The following HACD2 variants were observed in gnomAD, a reference collection of about 807,000 sequenced individuals.
HACD2 encodes very-long-chain (3R)-3-hydroxyacyl-CoA dehydratase 2.
Under a neutral mutation model 31.0 loss-of-function variants are expected in HACD2, and 15 were observed. That is an observed-to-expected ratio of 0.48 (90% CI 0.32 to 0.75). The LOEUF is 0.75. HACD2 is among the 30% of genes least tolerant of loss of function. The pLI, the probability that HACD2 is intolerant of heterozygous loss-of-function variation, is 0.03. For missense variants in HACD2, 283 were observed against 313.0 expected, an observed-to-expected ratio of 0.90 and a Z score of 0.72; for synonymous variants, 115 against 122.2, an observed-to-expected ratio of 0.94 and a Z score of 0.39.
intron 4 of HACD2, among the ~76,000 whole-genome samples, chr3:123,504,207 C>A (rs1401618444): frequency 6.6e-6 from 1 of 152,122 alleles, no homozygotes; most frequent in Admixed American, 6.6e-5. Context: ...TATAAAAGCA[C>A]ACTTTGCTTT....
At chr3:123,576,205 T>C (rs191606178) in intron 2 of HACD2, among the ~76,000 whole-genome samples, 111 of 152,232 alleles carry the variant, frequency 7.3e-4, no homozygotes, top group Middle Eastern at 3.4e-3. Flanking sequence ...TCTTGCACTG[T>C]GGCTCCTTCG....
chr3:123,535,281 T>A (rs1372729950), intron 3 of HACD2, among the ~76,000 whole-genome samples: 5 of 152,186 alleles, frequency 3.3e-5, no homozygotes, highest in South Asian at 2.1e-4. Context: ...CCAGTAACCT[T>A]CTGTAGAGGC....
chr3:123,504,005 T>C (rs2055941422), intron 4 of HACD2, among the ~76,000 whole-genome samples: 1 of 152,228 alleles, frequency 6.6e-6, no homozygotes, highest in Non-Finnish European at 1.5e-5. Flanking sequence ...ATTTCATAAA[T>C]GCAGTTACTA....
intron 3 of HACD2, among the ~76,000 whole-genome samples, chr3:123,557,103 C>T (rs566720973): frequency 6.6e-6 from 1 of 152,206 alleles, no homozygotes; most frequent in Non-Finnish European, 1.5e-5. Context: ...GTCCCCAGTC[C>T]CTGGGCTGCG....
At chr3:123,569,896 G>C (rs754734681) in intron 2 of HACD2, among the ~76,000 whole-genome samples, 4 of 147,478 alleles carry the variant, frequency 2.7e-5, no homozygotes, top group African/African-American at 1.0e-4. Flanking sequence ...GGCTGAGGCA[G>C]GAGAATCGCT....
chr3:123,584,979 C>T lies in HACD2; in HGVS notation c.49G>A (p.Gly17Ser). The change falls in exon 1 of 7, where the codon GGT becomes AGT. Residue 17 changes from glycine to serine, a missense_variant. Gly to Ser is a moderately conservative substitution (Grantham distance 56, BLOSUM62 0). This residue lies in a region of HACD2 where 158 missense variants were observed against 148.3 expected (regional missense o/e 1.07). Transcript: ENST00000383657. ...TAAAKGNGGG[G>S]GRAGAGDASG... is the part of the protein sequence containing the mutation. ...GCGTCCCCGGCCCCGGCCCTGCCAC[C>T]GCCGCCCCCATTCCCCTTCGCTGCT... 6.6e-7 allele frequency: 1 copy of T among 1,525,734 alleles called. No individual in the cohort carries two copies. 94.5% of individuals were successfully genotyped at this position (1,525,734 alleles called of 1,614,324 possible).
At chr3:123,562,704 C>T (rs2056747428) in intron 3 of HACD2, among the ~76,000 whole-genome samples, 1 of 152,120 alleles carries the variant, frequency 6.6e-6, no homozygotes, top group Non-Finnish European at 1.5e-5. Flanking sequence ...ATTAAATGAG[C>T]ACAAAAATTG....
At chr3:123,510,945 GTTTT>G (rs1476678170) in intron 4 of HACD2, among the ~76,000 whole-genome samples, 47 of 115,074 alleles carry the variant, frequency 4.1e-4, no homozygotes, top group Non-Finnish European at 6.0e-4. Flanking sequence ...TTTTTTTTTT[GTTTT>G]TTTTTGTTTT....
chr3:123,555,603 A>G (rs2056664811), intron 3 of HACD2, among the ~76,000 whole-genome samples: 1 of 152,242 alleles, frequency 6.6e-6, no homozygotes, highest in African/African-American at 2.4e-5. Flanking sequence ...GTGGAGAAAT[A>G]TTATATGTCT....
intron 2 of HACD2, among the ~76,000 whole-genome samples, chr3:123,577,620 CAAA>C (rs35024817): frequency 1.4e-4 from 13 of 90,426 alleles, no homozygotes; most frequent in Admixed American, 4.2e-4. Flanking sequence ...GACTCTGTCT[CAAA>C]AAAAAAAAAA....
chr3:123,564,385 C>A (rs142290091), intron 3 of HACD2, among the ~76,000 whole-genome samples: 22 of 152,058 alleles, frequency 1.4e-4, no homozygotes, highest in Admixed American at 1.4e-3. Context: ...GATTAAGGGA[C>A]AAGGAAAGAA....
rs1488167805 is a variant in HACD2, at chr3:123,569,599, T to C, written c.274-1819A>G. Among the ~76,000 whole-genome samples the C allele has an allele frequency of 4.6e-5, 7 of 152,248 alleles. No individual in the cohort carries two copies. In the South Asian group the frequency reaches 1.2e-3, roughly 27 times the overall value. On this transcript the variant is annotated intron_variant, in intron 2 of 6. Transcript: ENST00000383657. ...CTAGTCTTGAACTCCTGGGCTCAAGTGATCCGCCAGCCTTGGCCTCCTAAA... is the reference window on the plus strand; with the variant it reads ...CTAGTCTTGAACTCCTGGGCTCAAGCGATCCGCCAGCCTTGGCCTCCTAAA...
chr3:123,503,072 T>C (rs1015966394), intron 4 of HACD2, among the ~76,000 whole-genome samples: 1 of 152,148 alleles, frequency 6.6e-6, no homozygotes, highest in Admixed American at 6.5e-5. Flanking sequence ...GAGACCAGCC[T>C]GGCCAACATG....
At chr3:123,528,819 C>T (rs989785870) in intron 3 of HACD2, among the ~76,000 whole-genome samples, 3 of 152,062 alleles carry the variant, frequency 2.0e-5, no homozygotes, top group African/African-American at 7.2e-5. Context: ...ACTCATTTTA[C>T]AATACGGGTT....
chr3:123,515,869 C>T (rs772257730), intron 4 of HACD2, among the ~76,000 whole-genome samples: 11 of 151,954 alleles, frequency 7.2e-5, no homozygotes, highest in Non-Finnish European at 1.6e-4. Context: ...GATTATCTTG[C>T]CTCAGTCTCT....
At chr3:123,544,112 G>A (rs2306722) in intron 3 of HACD2, among the ~76,000 whole-genome samples, 5,778 of 152,212 alleles carry the variant, frequency 0.038, 701 homozygotes, top group East Asian at 0.35. Flanking sequence ...GTACTAATAC[G>A]GGGGTGGTGG....
At chr3:123,553,428 T>C (rs1438332920) in intron 3 of HACD2, among the ~76,000 whole-genome samples, 2 of 152,218 alleles carry the variant, frequency 1.3e-5, no homozygotes, top group Admixed American at 6.5e-5. Flanking sequence ...GTCTTAAACA[T>C]GGATGGACTC....
chr3:123,498,767 C>G (rs2055866058), intron 6 of HACD2, among the ~76,000 whole-genome samples: 1 of 152,142 alleles, frequency 6.6e-6, no homozygotes, highest in Non-Finnish European at 1.5e-5. Context: ...TCTCTTTCCT[C>G]TATCTCTTTC....
intron 4 of HACD2, among the ~76,000 whole-genome samples, chr3:123,508,034 A>G (rs1331445201): frequency 2.0e-5 from 3 of 152,110 alleles, no homozygotes; most frequent in Non-Finnish European, 2.9e-5. Context: ...CTTTAAATAC[A>G]TATTATTGCC....
Sources: gnomAD v4.1 joint callset for allele counts (sites outside exome capture counted in the v4.1 genomes callset) on GRCh38, gnomAD v4.1.1 for gene constraint, gnomAD v4.1.1 regional missense constraint, MANE v1.5 for transcripts, NCBI Gene and HGNC (gene_info 2026-07-23, HGNC 2026-07-21) for gene names.